The following CCDC190 variants were observed in gnomAD, a reference collection of about 807,000 sequenced individuals.
The protein encoded by CCDC190 is coiled-coil domain containing 190.
Under a neutral mutation model 13.1 loss-of-function variants are expected in CCDC190, and 10 were observed. The observed-to-expected ratio is 0.77, with a 90% CI of 0.47 to 1.30. The LOEUF (loss-of-function observed/expected upper bound fraction) is 1.30. Among genes scored for constraint, CCDC190 ranks in the 50% most tolerant of loss-of-function variants. The pLI is 0.00. For missense variants in CCDC190, 375 were observed against 354.3 expected, an observed-to-expected ratio of 1.06 and a Z score of -0.47; for synonymous variants, 136 against 127.2, an observed-to-expected ratio of 1.07 and a Z score of -0.47.
rs373169145 is a variant in CCDC190, at chr1:162,855,090, G to C, written c.581C>G (p.Ser194Cys). 5.0e-6 allele frequency: 8 copies of C among 1,614,002 alleles called. No individual in the cohort carries two copies. The highest frequency in any genetic ancestry group is 3.3e-4 in the Middle Eastern group (2 of 6,062). ...STNTIEQGPS[S>C]SPASDSGMAC... The stretch of plus-strand genomic sequence containing the variant: ...CATTCCACTATCACTAGCTGGGCTG[G>C]AACTAGGACCTTGTTCTATGGTGTT... The change falls in exon 4 of 4, where the codon TCC becomes TGC. Residue 194 changes from serine to cysteine, a missense_variant. Coordinates refer to ENST00000367912, the MANE Select transcript of CCDC190 (RefSeq NM_001394065.1).
At chr1:162,865,097 A>C (rs541052627), upstream of CCDC190, among the ~76,000 whole-genome samples, 1 of 152,136 alleles carries the variant, frequency 6.6e-6, no homozygotes, top group Non-Finnish European at 1.5e-5. Flanking sequence ...AAATAAAAGA[A>C]ATTAGAGAAA....
Position 162,855,928 on chromosome 1 carries a change from G to A in CCDC190, c.188-173C>T, listed in dbSNP as rs532906429. 12 of 535,380 alleles carry A rather than the reference G, an allele frequency of 2.2e-5. No homozygotes were observed. In the East Asian group the frequency reaches 2.3e-4, roughly 10 times the overall value. The allele number at this position is 535,380 out of a possible 1,614,324, so 33.2% of individuals were successfully genotyped here. A position where few individuals can be genotyped will look rare whatever the true frequency, so the allele number is the denominator to read the frequency against. ...GGGTGGGTACTAATCCTATATTACC[G>A]GTGTCCTTATAAGGAAAGGAACTTA... On this transcript the variant is annotated intron_variant, in intron 2 of 3. Coordinates refer to ENST00000367912, the MANE Select transcript of CCDC190 (RefSeq NM_001394065.1).
In CCDC190 at chr1:162,853,161, G is replaced by T; in HGVS notation, c.*1604C>A. 7 of 1,543,766 alleles carry T rather than the reference G, an allele frequency of 4.5e-6. No individual in the cohort carries two copies. Among genetic ancestry groups the T allele is most frequent in the Non-Finnish European group, 6.1e-6 (7 of 1,143,526 alleles). ...CTCCCCATTGAAGGCCAGAGGCTGG[G>T]CTGATGAAACTGACTCTCAAATGTT... On this transcript the variant is annotated 3_prime_UTR_variant, in exon 4 of 4. Coordinates refer to ENST00000367912, the MANE Select transcript of CCDC190 (RefSeq NM_001394065.1).
At chr1:162,864,713 A>G (rs568712816), upstream of CCDC190, among the ~76,000 whole-genome samples, 2 of 152,230 alleles carry the variant, frequency 1.3e-5, no homozygotes, top group African/African-American at 4.8e-5. Context: ...TATACTCTAC[A>G]CTCTAAAGCA....
upstream of CCDC190, among the ~76,000 whole-genome samples, chr1:162,862,179 T>C (rs917929601): frequency 5.9e-5 from 9 of 152,166 alleles, no homozygotes; most frequent in African/African-American, 1.9e-4. Flanking sequence ...TGCAGAACAA[T>C]AGAGCAGCCC....
rs764521056 is a variant in CCDC190 at position 162,859,633 on chromosome 1, A to G, written c.14T>C (p.Met5Thr). 1 of 1,613,330 alleles carries G rather than the reference A, an allele frequency of 6.2e-7. No homozygotes were observed. Among genetic ancestry groups the G allele is most frequent in the Non-Finnish European group, 8.5e-7 (1 of 1,179,664 alleles). ...ATGCTTATACAATTGTCCCCTGACC[A>G]TGTGCCTCTCCATCTTCTTTATGGT... MERH[M>T]VRGQLYKHFD... is the part of the protein sequence containing the mutation. The change falls in exon 2 of 4, where the codon ATG (methionine) becomes ACG (threonine). Residue 5 changes from methionine (M) to threonine (T), a missense_variant. Met to Thr is a moderately conservative substitution (Grantham distance 81). Transcript: ENST00000367912.
At chr1:162,868,566 G>A (rs79654114) in intron 1 of CCDC190, 18,081 of 58,984 alleles carry the variant, frequency 0.31, 2,259 homozygotes, top group Middle Eastern at 0.38. Context: ...GTGTGTCCCA[G>A]CTGTGGAAGT....
chr1:162,852,444 T>C lies in CCDC190; in HGVS notation c.*2321A>G, dbSNP rs976019264. ...ACAAGAAAGGTTCCATGCAGCAGCGTTCTCTTTGATTGAGTTAAGTTGTAC... is the reference window on the plus strand; with the variant it reads ...ACAAGAAAGGTTCCATGCAGCAGCGCTCTCTTTGATTGAGTTAAGTTGTAC... On this transcript the variant is annotated 3_prime_UTR_variant, in exon 4 of 4. Transcript: ENST00000367912. 1 of 152,310 alleles carries C rather than the reference T, an allele frequency of 6.6e-6. No homozygotes were observed. The highest frequency in any genetic ancestry group is 3.2e-3 in the Middle Eastern group (1 of 316). The allele number at this position is 152,310 out of a possible 1,614,324, so 9.4% of individuals were successfully genotyped here. A position where few individuals can be genotyped will look rare whatever the true frequency, so the allele number is the denominator to read the frequency against.
Position 162,855,356 on chromosome 1 carries a change from T to C in CCDC190, c.315A>G (p.Ala105=). The part of the protein sequence containing the change: ...HRAPQAKKMR[A]LATRMAQDTC... ...TGTCTTGGGCCATACGGGTTGCCAATGCTCTGAGAAAGGACATAAAAGAAA... is the reference window on the plus strand; with the variant it reads ...TGTCTTGGGCCATACGGGTTGCCAACGCTCTGAGAAAGGACATAAAAGAAA... Residue 105 remains alanine (A), a synonymous_variant, in exon 4 of 4, where the codon GCA becomes GCG. Coordinates refer to ENST00000367912, the MANE Select transcript of CCDC190 (RefSeq NM_001394065.1). The C allele has an allele frequency of 6.3e-7, 1 of 1,596,370 alleles. No individual in the cohort carries two copies. Among genetic ancestry groups the C allele is most frequent in the South Asian group, 1.1e-5 (1 of 89,784 alleles).
intron 1 of CCDC190, among the ~76,000 whole-genome samples, chr1:162,859,950 GA>G (rs1457593218): frequency 1.4e-5 from 2 of 143,030 alleles, no homozygotes; most frequent in African/African-American, 5.2e-5. Flanking sequence ...AGAAGTGTAA[GA>G]ACAACTCTTT....
chr1:162,855,232 C>A lies in CCDC190; in HGVS notation c.439G>T (p.Ala147Ser). The change falls in exon 4 of 4, where the codon GCC (alanine) becomes TCC (serine). Residue 147 changes from alanine (A) to serine (S), a missense_variant. Transcript: ENST00000367912. ...TGTGGTTGCTCTTTTATGAAGCAGG[C>A]AGTTCTGTTATTTTGAGAGAGTGGC... ...KQPLSQNNRT[A>S]CFIKEQPQAQ... 1.9e-6 allele frequency: 3 copies of A among 1,613,926 alleles called. No homozygotes were observed. Among genetic ancestry groups the A allele is most frequent in the Non-Finnish European group, 2.5e-6 (3 of 1,179,860 alleles).
rs76862059 is a variant in CCDC190 at position 162,854,095 on chromosome 1, A to G, written c.*670T>C. The stretch of plus-strand genomic sequence containing the variant: ...TTTGATAGAGTCTGCTATGCATTTG[A>G]CAGCATGTTGGGAGATGATTAAAAG... On this transcript the variant is annotated 3_prime_UTR_variant, in exon 4 of 4. Coordinates refer to ENST00000367912, the MANE Select transcript of CCDC190 (RefSeq NM_001394065.1). 1 of 358,758 alleles carries G rather than the reference A, an allele frequency of 2.8e-6. No individual in the cohort carries two copies. The highest frequency in any genetic ancestry group is 3.9e-6 in the Non-Finnish European group (1 of 257,422). 22.2% of individuals were successfully genotyped at this position (358,758 alleles called of 1,614,324 possible).
rs767370324 is a variant in CCDC190, at chr1:162,855,228, C to A, written c.443G>T (p.Cys148Phe). The change falls in exon 4 of 4, where the codon TGC becomes TTC. Residue 148 changes from cysteine (C) to phenylalanine (F), a missense_variant. Coordinates refer to ENST00000367912, the MANE Select transcript of CCDC190 (RefSeq NM_001394065.1). ...GGCTTGTGGTTGCTCTTTTATGAAG[C>A]AGGCAGTTCTGTTATTTTGAGAGAG... ...QPLSQNNRTACFIKEQPQAQE... is the reference protein window; with the variant it reads ...QPLSQNNRTAFFIKEQPQAQE... 6.2e-7 allele frequency: 1 copy of A among 1,613,826 alleles called. No individual in the cohort carries two copies. Among genetic ancestry groups the A allele is most frequent in the Non-Finnish European group, 8.5e-7 (1 of 1,179,890 alleles).
In CCDC190 at chr1:162,854,661, AATTAT is replaced by A. The variant is rs2102257898; in HGVS notation, c.*99_*103del. ...GGAGTTTAAAATAAAATTGTAATTCAATTATGTTTGTTTGTTTTTCTCTGTATTGC... is the reference window on the plus strand; with the variant it reads ...GGAGTTTAAAATAAAATTGTAATTCAGTTTGTTTGTTTTTCTCTGTATTGC... On this transcript the variant is annotated 3_prime_UTR_variant, in exon 4 of 4. Transcript: ENST00000367912. 1 of 1,447,702 alleles carries A rather than the reference AATTAT, an allele frequency of 6.9e-7. No homozygotes were observed. Among genetic ancestry groups the A allele is most frequent in the East Asian group, 2.4e-5 (1 of 42,432 alleles). 89.7% of individuals were successfully genotyped at this position (1,447,702 alleles called of 1,614,324 possible).
In CCDC190 at chr1:162,855,374, A is replaced by G. The variant is rs2102258793; in HGVS notation, c.312-15T>C. 6.3e-7 allele frequency: 1 copy of G among 1,576,944 alleles called. No homozygotes were observed. Among genetic ancestry groups the G allele is most frequent in the Non-Finnish European group, 8.6e-7 (1 of 1,169,260 alleles). ...TTGCCAATGCTCTGAGAAAGGACATAAAAGAAAGATCTCTGAAAACCAATA... is the reference window on the plus strand; with the variant it reads ...TTGCCAATGCTCTGAGAAAGGACATGAAAGAAAGATCTCTGAAAACCAATA... On this transcript the variant is annotated splice_polypyrimidine_tract_variant and intron_variant, in intron 3 of 3. Transcript: ENST00000367912.
At chr1:162,866,906 A>T in intron 1 of CCDC190, among the ~76,000 whole-genome samples, 1 of 152,112 alleles carries the variant, frequency 6.6e-6, no homozygotes, top group East Asian at 1.9e-4. Flanking sequence ...AAGAAATCAA[A>T]TTTCAATTTT....
chr1:162,866,483 T>TG (rs34937013), intron 1 of CCDC190, among the ~76,000 whole-genome samples: 122,659 of 152,040 alleles, frequency 0.81, 51,730 homozygotes, highest in Non-Finnish European at 0.94. Context: ...ATCATGTTTA[T>TG]GGCTAGAATC....
rs1335037036 is a variant in CCDC190, at chr1:162,854,137, A to G, written c.*628T>C. The G allele has an allele frequency of 6.2e-6, 5 of 802,154 alleles. No homozygotes were observed. The highest frequency in any genetic ancestry group is 2.5e-4 in the East Asian group (2 of 7,906). The allele number at this position is 802,154 out of a possible 1,614,324, so 49.7% of individuals were successfully genotyped here. A position where few individuals can be genotyped will look rare whatever the true frequency, so the allele number is the denominator to read the frequency against. On this transcript the variant is annotated 3_prime_UTR_variant, in exon 4 of 4. Transcript: ENST00000367912. ...GATTAAAAGTTTTTTAAATCCTTTG[A>G]TTCTAGAAGATATGAGAGGGAAAAG...
upstream of CCDC190, among the ~76,000 whole-genome samples, chr1:162,862,454 C>T (rs115577745): frequency 0.017 from 2,547 of 152,162 alleles, 73 homozygotes; most frequent in African/African-American, 0.057. Flanking sequence ...TATGAGGTGG[C>T]GGAAACCATG....
Sources: gnomAD v4.1 joint callset for allele counts (sites outside exome capture counted in the v4.1 genomes callset) on GRCh38, gnomAD v4.1.1 for gene constraint, MANE v1.5 for transcripts, NCBI Gene and HGNC (gene_info 2026-07-23, HGNC 2026-07-21) for gene names.